EMC3: variants seen among roughly 807,000 people sequenced by gnomAD.
The protein encoded by EMC3 is 30 kDa protein.
A neutral mutation model predicts 36.6 loss-of-function variants in EMC3; 13 were observed. That is an observed-to-expected ratio of 0.35 (90% CI 0.23 to 0.56). The LOEUF (loss-of-function observed/expected upper bound fraction) is 0.56, where lower values mean the gene tolerates loss of function less well. Ranked by LOEUF, EMC3 falls within the 20% of genes least tolerant of loss-of-function variation. The pLI, the probability that EMC3 is intolerant of heterozygous loss-of-function variation, is 0.84. For missense variants in EMC3, 220 were observed against 324.5 expected, an observed-to-expected ratio of 0.68 and a Z score of 2.47; for synonymous variants, 120 against 111.9, an observed-to-expected ratio of 1.07 and a Z score of -0.46.
intron 1 of EMC3, among the ~76,000 whole-genome samples, chr3:9,979,834 T>C (rs1012804640): frequency 2.6e-5 from 4 of 152,136 alleles, no homozygotes; most frequent in African/African-American, 9.7e-5. Context: ...GAGGATTACC[T>C]TGGCAAAGTG....
chr3:9,965,104 T>TAAA (rs56791107), intron 7 of EMC3, among the ~76,000 whole-genome samples: 2 of 106,954 alleles, frequency 1.9e-5, no homozygotes, highest in African/African-American at 3.3e-5. Context: ...AAAAATAAAT[T>TAAA]AAAAAAAAAA....
upstream of EMC3, chr3:9,987,828 T>G: frequency 1.7e-6 from 1 of 598,276 alleles, no homozygotes; most frequent in South Asian, 1.6e-5. Flanking sequence ...TTCAGGAGAT[T>G]GTCATGGTTG....
intron 1 of EMC3, chr3:10,004,812 A>C (rs1457845727): frequency 1.3e-5 from 2 of 152,394 alleles, no homozygotes; most frequent in African/African-American, 2.4e-5. Context: ...TAACCGTGGA[A>C]GGGAACGGCC....
intron 7 of EMC3, among the ~76,000 whole-genome samples, chr3:9,966,091 A>T (rs938868598): frequency 6.6e-6 from 1 of 152,210 alleles, no homozygotes; most frequent in Non-Finnish European, 1.5e-5. Flanking sequence ...AAAGGCAGAA[A>T]AACTGTTTTC....
chr3:9,992,955 C>G, intron 1 of EMC3: 2 of 1,610,162 alleles, frequency 1.2e-6, no homozygotes, highest in South Asian at 1.1e-5. Flanking sequence ...AAATAAGATT[C>G]GATCAGGCTG....
At position 9,964,012 on chromosome 3, in the gene EMC3, A is replaced by C; in HGVS notation, c.*57T>G. 2 of 1,594,254 alleles carry C rather than the reference A, an allele frequency of 1.3e-6. No homozygotes were observed. The highest frequency in any genetic ancestry group is 1.8e-5 in the Admixed American group (1 of 56,796). On this transcript the variant is annotated 3_prime_UTR_variant, in exon 8 of 8. Transcript: ENST00000245046. ...TTCAAGAGGTGCCAGCTCCAAACAAAGTTACAAGGTTAAGTGCAACTCCAA... is the reference window on the plus strand; with the variant it reads ...TTCAAGAGGTGCCAGCTCCAAACAACGTTACAAGGTTAAGTGCAACTCCAA...
chr3:9,980,612 T>G (rs1231144388), intron 1 of EMC3, among the ~76,000 whole-genome samples: 1 of 149,152 alleles, frequency 6.7e-6, no homozygotes. Flanking sequence ...GGTCTCTAAC[T>G]CCTGGACTCT....
chr3:9,971,301 A>C (rs1324988523), intron 5 of EMC3, among the ~76,000 whole-genome samples: 1 of 152,222 alleles, frequency 6.6e-6, no homozygotes, highest in Non-Finnish European at 1.5e-5. Context: ...GAGCCATTCC[A>C]AGTTTTGAAC....
Position 9,986,746 on chromosome 3 carries a change from G to C in EMC3, c.-85C>G. ...TTGCTTCTCTTCGGCTTCGCCTCCGGGCCTTCTCAAGCCCCTTTGCCCGTG... is the reference window on the plus strand; with the variant it reads ...TTGCTTCTCTTCGGCTTCGCCTCCGCGCCTTCTCAAGCCCCTTTGCCCGTG... On this transcript the variant is annotated 5_prime_UTR_variant, in exon 1 of 8. Transcript: ENST00000245046. 1.3e-6 allele frequency: 2 copies of C among 1,573,712 alleles called. No individual in the cohort carries two copies. Among genetic ancestry groups the C allele is most frequent in the African/African-American group, 1.4e-5 (1 of 73,772 alleles).
intron 1 of EMC3, among the ~76,000 whole-genome samples, chr3:10,005,895 C>T (rs530839177): frequency 1.3e-5 from 2 of 152,338 alleles, no homozygotes; most frequent in Admixed American, 1.3e-4. Context: ...GGGGTTCCCA[C>T]CTCTCCTTCC....
chr3:9,989,718 A>G (rs866272585), upstream of EMC3, among the ~76,000 whole-genome samples: 1 of 152,128 alleles, frequency 6.6e-6, no homozygotes, highest in African/African-American at 2.4e-5. Flanking sequence ...CAAATTTAAC[A>G]CCTTGACTGC....
chr3:9,962,997 C>T lies in EMC3; in HGVS notation c.*1072G>A, dbSNP rs2085702236. The T allele has an allele frequency of 6.6e-6, 1 of 152,182 alleles. No individual in the cohort carries two copies. The highest frequency in any genetic ancestry group is 2.4e-5 in the African/African-American group (1 of 41,444). The allele number at this position is 152,182 out of a possible 1,614,324, so 9.4% of individuals were successfully genotyped here. A position where few individuals can be genotyped will look rare whatever the true frequency, so the allele number is the denominator to read the frequency against. On this transcript the variant is annotated 3_prime_UTR_variant, in exon 8 of 8. Transcript: ENST00000245046. Reference sequence around the variant, plus strand: ...TCAATGGATTTGATAAGATTTGATACACTGACATCCAGATCAAGATTTTGC... The same window carrying T: ...TCAATGGATTTGATAAGATTTGATATACTGACATCCAGATCAAGATTTTGC...
At chr3:9,990,818 T>TTTTA (rs145054630), upstream of EMC3, among the ~76,000 whole-genome samples, 96 of 141,990 alleles carry the variant, frequency 6.8e-4, no homozygotes, top group East Asian at 1.8e-3. Context: ...TGGCCAATTC[T>TTTTA]TTTATTTATT....
chr3:9,987,304 C>A (rs28366039), upstream of EMC3: 178,974 of 984,858 alleles, frequency 0.18, 16,469 homozygotes, highest in South Asian at 0.25. Context: ...CTCGAGGCCC[C>A]GCTCCCCTGC....
chr3:10,007,153 G>T, intron 1 of EMC3: 2 of 447,956 alleles, frequency 4.5e-6, no homozygotes, highest in Non-Finnish European at 7.2e-6. Context: ...GCAAGAAAAA[G>T]CCACCTCAGA....
chr3:9,963,780 T>G lies in EMC3; in HGVS notation c.*289A>C. 3.7e-6 allele frequency: 1 copy of G among 270,014 alleles called. No individual in the cohort carries two copies. The highest frequency in any genetic ancestry group is 6.9e-6 in the Non-Finnish European group (1 of 144,908). The allele number at this position is 270,014 out of a possible 1,614,324, so 16.7% of individuals were successfully genotyped here. On this transcript the variant is annotated 3_prime_UTR_variant, in exon 8 of 8. Transcript: ENST00000245046. ...CGTGAGCCACTGCGCCTGGCCAAGA[T>G]TTTATATATTATCAGTAGCCTGAGG...
chr3:9,969,843 A>C, intron 6 of EMC3, 42 bp from the exon 7 acceptor site: 1 of 1,607,490 alleles, frequency 6.2e-7, no homozygotes, highest in South Asian at 1.1e-5. Flanking sequence ...AGGACTCAGC[A>C]AGCACCCCAG....
intron 1 of EMC3, among the ~76,000 whole-genome samples, chr3:9,994,856 G>T (rs1312878555): frequency 1.3e-5 from 2 of 152,138 alleles, no homozygotes; most frequent in Middle Eastern, 3.2e-3. Flanking sequence ...ACAGGCATGA[G>T]CCACCGTGCC....
At chr3:10,002,600 AAAT>A in intron 1 of EMC3, 1 of 359,288 alleles carries the variant, frequency 2.8e-6, no homozygotes. Context: ...CTTTATGCTT[AAAT>A]ACATAAAGAC....
Sources: gnomAD v4.1 joint callset for allele counts (sites outside exome capture counted in the v4.1 genomes callset) on GRCh38, gnomAD v4.1.1 for gene constraint, MANE v1.5 for transcripts, NCBI Gene and HGNC (gene_info 2026-07-23, HGNC 2026-07-21) for gene names.